The following STUM variants were observed in gnomAD, a reference collection of about 807,000 sequenced individuals.
STUM encodes the protein protein stum homolog.
STUM carries 8 observed loss-of-function variants against 15.3 expected under a neutral mutation model. That is an observed-to-expected ratio of 0.52 (90% CI 0.31 to 0.94). The LOEUF (loss-of-function observed/expected upper bound fraction) is 0.94. Among genes scored for constraint, STUM ranks in the 40% least tolerant of loss-of-function variants. STUM has a pLI of 0.05. For synonymous variants in STUM, 78 were observed against 88.7 expected (o/e 0.88, Z 0.68); for missense variants, 142 against 204.9 (o/e 0.69, Z 1.87).
intron 1 of STUM, among the ~76,000 whole-genome samples, chr1:226,573,729 G>A (rs941928743): frequency 2.0e-5 from 3 of 152,134 alleles, no homozygotes; most frequent in East Asian, 1.9e-4. Flanking sequence ...GAATACTACA[G>A]TCAAGCAAAT....
In STUM at chr1:226,576,112, T is replaced by G. The variant is rs969775402; in HGVS notation, c.203-20690T>G. Among the ~76,000 whole-genome samples the G allele has an allele frequency of 2.0e-5, 3 of 152,342 alleles. No homozygotes were observed. In the East Asian group the frequency reaches 5.8e-4, roughly 29 times the overall value. On this transcript the variant is annotated intron_variant, in intron 1 of 3. Coordinates refer to ENST00000366788, the MANE Select transcript of STUM (RefSeq NM_001003665.4). ...TTCTCTCCTTGGCTCAGTAATCAGG[T>G]GGGGACCACCAGAATGGAGCACGAC...
chr1:226,594,898 T>C (rs1668152201), intron 1 of STUM, among the ~76,000 whole-genome samples: 1 of 152,198 alleles, frequency 6.6e-6, no homozygotes, highest in Non-Finnish European at 1.5e-5. Context: ...TCAGGCGATC[T>C]GCCCGCCTCG....
Position 226,565,456 on chromosome 1 carries a change from C to T in STUM, c.202+16350C>T, listed in dbSNP as rs937449349. Among the ~76,000 whole-genome samples the T allele has an allele frequency of 4.6e-5, 7 of 152,198 alleles. No homozygotes were observed. The highest frequency in any genetic ancestry group is 1.4e-4 in the African/African-American group (6 of 41,428). On this transcript the variant is annotated intron_variant, in intron 1 of 3. Coordinates refer to ENST00000366788, the MANE Select transcript of STUM (RefSeq NM_001003665.4). The surrounding 1 kb of genome is among the most constrained non-coding windows in gnomAD (Gnocchi z 4.4). ...CCTTGGCATACTACTGCTCCCCCAC[C>T]GTCACTTCTCATCCCACCCACCTCC...
Position 226,550,650 on chromosome 1 carries a change from A to G in STUM, c.202+1544A>G, listed in dbSNP as rs183838502. ...ACGCCACCCTATGGTCTTTTGAGGA[A>G]ACAAATGCATTGGTGCCAGGTGAGA... is the stretch of plus-strand genomic sequence containing the variant. On this transcript the variant is annotated intron_variant, in intron 1 of 3. Coordinates refer to ENST00000366788, the MANE Select transcript of STUM (RefSeq NM_001003665.4). 1.4e-3 allele frequency among the ~76,000 whole-genome samples: 217 copies of G among 151,980 alleles called. 2 individuals carry two copies. Among genetic ancestry groups the G allele is most frequent in the African/African-American group, 5.1e-3 (209 of 41,376 alleles).
chr1:226,596,739 G>A (rs1039801570), intron 1 of STUM, 63 bp from the exon 2 acceptor site: 118 of 1,468,782 alleles, frequency 8.0e-5, no homozygotes, highest in Non-Finnish European at 1.1e-4. Flanking sequence ...GGCCAGCAAT[G>A]AGCACACAGA....
At position 226,587,790 on chromosome 1, in the gene STUM, C is replaced by T. The variant is rs1182782312; in HGVS notation, c.203-9012C>T. ...CTCATTCTCTTCCATGAAACCCATGCATGGAAAGATTTAAGCCATAATAAA... is the reference window on the plus strand; with the variant it reads ...CTCATTCTCTTCCATGAAACCCATGTATGGAAAGATTTAAGCCATAATAAA... On this transcript the variant is annotated intron_variant, in intron 1 of 3. Coordinates refer to ENST00000366788, the MANE Select transcript of STUM (RefSeq NM_001003665.4). Among the ~76,000 whole-genome samples, 8 of 152,110 alleles carry T rather than the reference C, an allele frequency of 5.3e-5. No individual in the cohort carries two copies. The East Asian group carries it at 1.3e-3, about 26-fold the overall frequency.
chr1:226,590,799 C>CT (rs1668072361), intron 1 of STUM, among the ~76,000 whole-genome samples: 1 of 152,230 alleles, frequency 6.6e-6, no homozygotes, highest in Admixed American at 6.5e-5. Context: ...TCTGCAGATG[C>CT]TTTTCCCCTC....
chr1:226,590,961 G>A (rs1668074631), intron 1 of STUM, among the ~76,000 whole-genome samples: 1 of 152,208 alleles, frequency 6.6e-6, no homozygotes, highest in South Asian at 2.1e-4. Context: ...CCCGGGCGGG[G>A]GTGGCAAGTT....
chr1:226,576,574 T>G (rs192717732), intron 1 of STUM, among the ~76,000 whole-genome samples: 196 of 152,332 alleles, frequency 1.3e-3, no homozygotes, highest in Non-Finnish European at 2.5e-3. Context: ...TGGTAAAATG[T>G]GCATAACGTA....
chr1:226,574,395 G>A (rs1667769571), intron 1 of STUM, among the ~76,000 whole-genome samples: 2 of 152,154 alleles, frequency 1.3e-5, no homozygotes, highest in African/African-American at 2.4e-5. Context: ...GTTCACCCAC[G>A]TTGTTGCAAA....
chr1:226,597,741 TGCA>T (rs1668205848), intron 2 of STUM, among the ~76,000 whole-genome samples: 2 of 152,206 alleles, frequency 1.3e-5, no homozygotes, highest in African/African-American at 4.8e-5. Context: ...CCAGAGAAGA[TGCA>T]GGTAGATGCA....
intron 1 of STUM, among the ~76,000 whole-genome samples, chr1:226,588,991 C>T (rs1181151895): frequency 1.3e-5 from 2 of 152,214 alleles, no homozygotes; most frequent in African/African-American, 4.8e-5. Context: ...TAAACCACAG[C>T]CACTGAGGAG....
chr1:226,561,794 T>A (rs980686071), intron 1 of STUM, among the ~76,000 whole-genome samples: 1 of 152,204 alleles, frequency 6.6e-6, no homozygotes, highest in African/African-American at 2.4e-5. Context: ...GTAAAGTGTC[T>A]ACCCTTGGAA....
chr1:226,604,435 G>A lies in STUM; in HGVS notation c.*2395G>A, dbSNP rs1339332220. The A allele has an allele frequency of 6.6e-6, 1 of 152,230 alleles. No homozygotes were observed. Among genetic ancestry groups the A allele is most frequent in the Non-Finnish European group, 1.5e-5 (1 of 68,056 alleles). The allele number at this position is 152,230 out of a possible 1,614,324, so 9.4% of individuals were successfully genotyped here. A position where few individuals can be genotyped will look rare whatever the true frequency, so the allele number is the denominator to read the frequency against. On this transcript the variant is annotated 3_prime_UTR_variant, in exon 4 of 4. Transcript: ENST00000366788. The surrounding 1 kb of genome is among the most constrained non-coding windows in gnomAD (Gnocchi z 4.7). ...CAGCCTCAGGAGGAGGCCCCTTTCC[G>A]GGTAACTGATGTGTGGGAGAAGCCA...
chr1:226,600,770 TCTCCC>T lies in STUM; in HGVS notation c.391+97_391+101del. The T allele has an allele frequency of 1.3e-5, 18 of 1,346,722 alleles. No homozygotes were observed. The highest frequency in any genetic ancestry group is 1.8e-5 in the Non-Finnish European group (17 of 950,478). The allele number at this position is 1,346,722 out of a possible 1,614,324, so 83.4% of individuals were successfully genotyped here. On this transcript the variant is annotated intron_variant, in intron 3 of 3. Transcript: ENST00000366788. This position sits in a 1 kb window ranked among gnomAD's most constrained non-coding sequence, Gnocchi z 5.2. ...TCCTGCACACAAACACCCCACCCAC[TCTCCC>T]AGTGGGTCAATGGGCTTTTATGTTT... is the stretch of plus-strand genomic sequence containing the variant.
chr1:226,549,163 G>T lies in STUM; in HGVS notation c.202+57G>T. The T allele has an allele frequency of 6.9e-7, 1 of 1,448,134 alleles. No homozygotes were observed. The highest frequency in any genetic ancestry group is 9.3e-7 in the Non-Finnish European group (1 of 1,070,292). The allele number at this position is 1,448,134 out of a possible 1,614,324, so 89.7% of individuals were successfully genotyped here. ...CCCACCCCGCCGCGGGAGGGCGTGG[G>T]GGGAGAGAAGGGCGCGGCCGGAGAC... On this transcript the variant is annotated intron_variant, in intron 1 of 3. Coordinates refer to ENST00000366788, the MANE Select transcript of STUM (RefSeq NM_001003665.4). This position sits in a 1 kb window ranked among gnomAD's most constrained non-coding sequence, Gnocchi z 6.8.
rs999917468 is a variant in STUM, at chr1:226,549,742, T to G, written c.202+636T>G. Among the ~76,000 whole-genome samples, 1 of 152,134 alleles carries G rather than the reference T, an allele frequency of 6.6e-6. No individual in the cohort carries two copies. The highest frequency in any genetic ancestry group is 2.4e-5 in the African/African-American group (1 of 41,416). ...GGGATGGGGGATGATTTTATTAGTT[T>G]GGATGCATGTGGCCAGAGATGAACC... On this transcript the variant is annotated intron_variant, in intron 1 of 3. Transcript: ENST00000366788. The surrounding 1 kb of genome is among the most constrained non-coding windows in gnomAD (Gnocchi z 6.8).
intron 1 of STUM, among the ~76,000 whole-genome samples, chr1:226,580,669 G>A (rs1667903946): frequency 6.6e-6 from 1 of 152,134 alleles, no homozygotes; most frequent in Admixed American, 6.5e-5. Context: ...CCTGGGTCAA[G>A]GGCTGCTCTT....
chr1:226,572,963 C>T (rs1457434165), intron 1 of STUM, among the ~76,000 whole-genome samples: 1 of 152,184 alleles, frequency 6.6e-6, no homozygotes, highest in Non-Finnish European at 1.5e-5. Flanking sequence ...AGAACCCAGG[C>T]CTCCTGACCC....
Sources: gnomAD v4.1 joint callset for allele counts (sites outside exome capture counted in the v4.1 genomes callset) on GRCh38, gnomAD v4.1.1 for gene constraint, Gnocchi (gnomAD v3.1) non-coding constraint, MANE v1.5 for transcripts, NCBI Gene and HGNC (gene_info 2026-07-23, HGNC 2026-07-21) for gene names.